PCCA: variants seen among roughly 807,000 people sequenced by gnomAD.
PCCA encodes propionyl-CoA carboxylase alpha chain, mitochondrial.
Under a neutral mutation model 101.3 loss-of-function variants are expected in PCCA, and 74 were observed. That is an observed-to-expected ratio of 0.73 (90% CI 0.61 to 0.89). PCCA has a LOEUF of 0.89. Among genes scored for constraint, PCCA ranks in the 40% least tolerant of loss-of-function variants. PCCA has a pLI of 0.00. For synonymous variants in PCCA, 294 were observed against 313.6 expected, an observed-to-expected ratio of 0.94 and a Z score of 0.66; for missense variants, 891 against 907.0, an observed-to-expected ratio of 0.98 and a Z score of 0.23.
intron 16 of PCCA, among the ~76,000 whole-genome samples, chr13:100,327,081 G>C (rs2068776646): frequency 6.6e-6 from 1 of 151,890 alleles, no homozygotes; most frequent in Non-Finnish European, 1.5e-5. Context: ...AGGTATACTT[G>C]ACATAATAAA....
chr13:100,280,236 T>TG (rs1374456052), intron 12 of PCCA, among the ~76,000 whole-genome samples: 1 of 152,140 alleles, frequency 6.6e-6, no homozygotes, highest in Non-Finnish European at 1.5e-5. Flanking sequence ...TTTGCTTTAT[T>TG]TTTTTTAAGT....
rs1340212176 is a variant in PCCA at position 100,406,859 on chromosome 13, G to T, written c.1747-18774G>T. On this transcript the variant is annotated intron_variant, in intron 19 of 23. Transcript: ENST00000376285. ...AGTTCTCTTGTTTTGCTTGATATTTGTGAACACTTCAGCTCTTTATGAGTC... is the reference window on the plus strand; with the variant it reads ...AGTTCTCTTGTTTTGCTTGATATTTTTGAACACTTCAGCTCTTTATGAGTC... 2.0e-5 allele frequency among the ~76,000 whole-genome samples: 3 copies of T among 151,108 alleles called. No individual in the cohort carries two copies. In the East Asian group the frequency reaches 5.8e-4, roughly 29 times the overall value.
At chr13:100,195,873 CAA>C (rs1455122453) in intron 6 of PCCA, among the ~76,000 whole-genome samples, 1 of 152,060 alleles carries the variant, frequency 6.6e-6, no homozygotes, top group African/African-American at 2.4e-5. Flanking sequence ...CTGATGTGCA[CAA>C]AGAGTGAAGA....
At chr13:100,239,625 A>G (rs935572406) in intron 8 of PCCA, among the ~76,000 whole-genome samples, 1 of 152,134 alleles carries the variant, frequency 6.6e-6, no homozygotes, top group African/African-American at 2.4e-5. Flanking sequence ...TCAATGATAG[A>G]CAACAGTAAT....
chr13:100,395,883 G>GT (rs570593106), intron 19 of PCCA, among the ~76,000 whole-genome samples: 29 of 152,092 alleles, frequency 1.9e-4, no homozygotes, highest in Admixed American at 7.9e-4. Context: ...CAGCAATCAC[G>GT]TTTTTTATCA....
chr13:100,127,765 G>T (rs1277287219), intron 4 of PCCA, among the ~76,000 whole-genome samples: 1 of 152,152 alleles, frequency 6.6e-6, no homozygotes, highest in Non-Finnish European at 1.5e-5. Context: ...GGTGGTGGGT[G>T]CGTGTAGTCC....
At chr13:100,187,104 A>G (rs1236261046) in intron 6 of PCCA, among the ~76,000 whole-genome samples, 2 of 152,234 alleles carry the variant, frequency 1.3e-5, no homozygotes, top group Non-Finnish European at 2.9e-5. Context: ...GCAACCCTAA[A>G]TGTAGCTATA....
chr13:100,385,513 A>G (rs1301649522), intron 19 of PCCA, among the ~76,000 whole-genome samples: 1 of 152,242 alleles, frequency 6.6e-6, no homozygotes, highest in African/African-American at 2.4e-5. Flanking sequence ...ATATGATAAA[A>G]AGTGCTAAAA....
At chr13:100,125,193 T>C (rs2049838647) in intron 4 of PCCA, among the ~76,000 whole-genome samples, 1 of 151,948 alleles carries the variant, frequency 6.6e-6, no homozygotes, top group Non-Finnish European at 1.5e-5. Context: ...AGTAACATTT[T>C]CTTAAACTGC....
chr13:100,513,989 G>A (rs1441694357), intron 21 of PCCA, among the ~76,000 whole-genome samples: 1 of 152,158 alleles, frequency 6.6e-6, no homozygotes, highest in Non-Finnish European at 1.5e-5. Context: ...GAAGGACTTG[G>A]AGGTACAATT....
At chr13:100,426,124 T>C (rs977812525) in intron 20 of PCCA, among the ~76,000 whole-genome samples, 1 of 152,196 alleles carries the variant, frequency 6.6e-6, no homozygotes, top group Non-Finnish European at 1.5e-5. Context: ...ACTTGTGTTA[T>C]TCAGGTTGAC....
rs540464812 is a variant in PCCA at position 100,306,239 on chromosome 13, G to A, written c.1285-953G>A. Reference sequence around the variant, plus strand: ...CTTCTTCCCACAGGTGGAAGGCTACGTGAGCTTCCGCTCTTCTCTTCCCAC... The same window carrying A: ...CTTCTTCCCACAGGTGGAAGGCTACATGAGCTTCCGCTCTTCTCTTCCCAC... On this transcript the variant is annotated intron_variant, in intron 14 of 23. Coordinates refer to ENST00000376285, the MANE Select transcript of PCCA (RefSeq NM_000282.4). Among the ~76,000 whole-genome samples the A allele has an allele frequency of 2.6e-5, 4 of 152,318 alleles. No individual in the cohort carries two copies. The South Asian group carries it at 6.2e-4, about 24-fold the overall frequency.
chr13:100,143,412 G>A (rs1055231945), intron 4 of PCCA, among the ~76,000 whole-genome samples: 25 of 152,020 alleles, frequency 1.6e-4, no homozygotes, highest in African/African-American at 5.8e-4. Context: ...GTGCACGCCT[G>A]TAGTCCCAGC....
chr13:100,130,161 T>G (rs762947346), intron 4 of PCCA, among the ~76,000 whole-genome samples: 3 of 152,204 alleles, frequency 2.0e-5, no homozygotes, highest in Non-Finnish European at 4.4e-5. Context: ...GTTACCCACT[T>G]GATACCTGAC....
At chr13:100,516,186 TCTAC>T (rs747306777) in intron 22 of PCCA, among the ~76,000 whole-genome samples, 1 of 152,218 alleles carries the variant, frequency 6.6e-6, no homozygotes, top group African/African-American at 2.4e-5. Context: ...GATAGAAATC[TCTAC>T]TGATGAGCAG....
intron 6 of PCCA, among the ~76,000 whole-genome samples, chr13:100,170,472 T>C (rs1406240870): frequency 1.3e-5 from 2 of 152,236 alleles, no homozygotes; most frequent in Non-Finnish European, 2.9e-5. Flanking sequence ...TACTGGTCCT[T>C]ATTTAAGGAT....
At chr13:100,184,142 T>C (rs531751789) in intron 6 of PCCA, among the ~76,000 whole-genome samples, 1 of 152,254 alleles carries the variant, frequency 6.6e-6, no homozygotes, top group Admixed American at 6.5e-5. Context: ...AGGCACGTCT[T>C]ACATGAACAG....
intron 19 of PCCA, among the ~76,000 whole-genome samples, chr13:100,380,782 C>T (rs1595680035): frequency 6.6e-6 from 1 of 152,200 alleles, no homozygotes; most frequent in African/African-American, 2.4e-5. Context: ...CTTCAAAGGA[C>T]ACTAACAGGA....
At chr13:100,475,172 C>G (rs2083323081) in intron 21 of PCCA, among the ~76,000 whole-genome samples, 1 of 152,130 alleles carries the variant, frequency 6.6e-6, no homozygotes, top group Non-Finnish European at 1.5e-5. Flanking sequence ...TTCAGCCTCC[C>G]AAGTAAGTGG....
Sources: gnomAD v4.1 joint callset for allele counts (sites outside exome capture counted in the v4.1 genomes callset) on GRCh38, gnomAD v4.1.1 for gene constraint, MANE v1.5 for transcripts, NCBI Gene and HGNC (gene_info 2026-07-23, HGNC 2026-07-21) for gene names.